WDR89: variants seen among roughly 807,000 people sequenced by gnomAD.
WDR89 encodes WD repeat domain 89.
Under a neutral mutation model 29.1 loss-of-function variants are expected in WDR89, and 17 were observed. The observed-to-expected ratio is 0.58, with a 90% CI of 0.40 to 0.88. The LOEUF (loss-of-function observed/expected upper bound fraction) is 0.88. WDR89 is among the 40% of genes least tolerant of loss of function. The pLI, the probability that WDR89 is intolerant of heterozygous loss-of-function variation, is 0.00. For synonymous variants in WDR89, 138 were observed against 157.8 expected, an observed-to-expected ratio of 0.87 and a Z score of 0.94; for missense variants, 396 against 456.3, an observed-to-expected ratio of 0.87 and a Z score of 1.20.
chr14:63,622,825 G>A (rs1882788436), intron 2 of WDR89, among the ~76,000 whole-genome samples: 1 of 152,060 alleles, frequency 6.6e-6, no homozygotes, highest in African/African-American at 2.4e-5. Context: ...ATGAGAGGAG[G>A]GAAGTGGAAG....
chr14:63,627,707 A>G (rs1335576490), intron 1 of WDR89, among the ~76,000 whole-genome samples: 1 of 152,118 alleles, frequency 6.6e-6, no homozygotes, highest in Non-Finnish European at 1.5e-5. Context: ...GAATAAACAC[A>G]TGGAGTTCCT....
chr14:63,627,515 C>T (rs1425555577), intron 1 of WDR89, among the ~76,000 whole-genome samples: 1 of 152,038 alleles, frequency 6.6e-6, no homozygotes. Context: ...TGTAATGAAT[C>T]CATCATTATA....
intron 1 of WDR89, among the ~76,000 whole-genome samples, chr14:63,636,369 C>T (rs1269168140): frequency 6.6e-6 from 1 of 152,012 alleles, no homozygotes; most frequent in African/African-American, 2.4e-5. Flanking sequence ...CAATGCAATC[C>T]CCATCAAAAT....
chr14:63,609,507 G>A (rs953300106), intron 2 of WDR89, among the ~76,000 whole-genome samples: 2 of 152,138 alleles, frequency 1.3e-5, no homozygotes, highest in African/African-American at 4.8e-5. Flanking sequence ...AAGAGCATAT[G>A]GCCGGGCGTG....
At chr14:63,619,900 GA>G (rs1258830351) in intron 2 of WDR89, among the ~76,000 whole-genome samples, 1 of 149,962 alleles carries the variant, frequency 6.7e-6, no homozygotes, top group Non-Finnish European at 1.5e-5. Flanking sequence ...AGCTACTCAG[GA>G]AGCTGAGGCA....
intron 2 of WDR89, among the ~76,000 whole-genome samples, chr14:63,612,206 C>T (rs557711832): frequency 6.6e-6 from 1 of 152,096 alleles, no homozygotes; most frequent in Non-Finnish European, 1.5e-5. Flanking sequence ...GCCCTAGTCA[C>T]GTCCCTAATC....
intron 2 of WDR89, among the ~76,000 whole-genome samples, chr14:63,607,990 G>A (rs555433102): frequency 5.5e-4 from 83 of 151,870 alleles, no homozygotes; most frequent in African/African-American, 1.9e-3. Context: ...GGCAGATCAC[G>A]AGGTCAGGAG....
At chr14:63,613,627 C>T (rs929423668) in intron 2 of WDR89, among the ~76,000 whole-genome samples, 3 of 151,414 alleles carry the variant, frequency 2.0e-5, no homozygotes, top group African/African-American at 4.9e-5. Flanking sequence ...CTCAGCCTCC[C>T]GAGTGGCTAG....
rs1895063796 is a variant in WDR89 at position 63,601,554 on chromosome 14, T to C, written c.-31-1581A>G. On this transcript the variant is annotated intron_variant, in intron 2 of 2. Transcript: ENST00000620954. ...GTTTCTTCCACTCTTTGACCGAGTA[T>C]TGGTTGAAAGGAGTGCTGTTGAAAC... 8.8e-6 allele frequency: 14 copies of C among 1,586,676 alleles called. No homozygotes were observed. The East Asian group carries it at 1.1e-4, about 13-fold the overall frequency.
Position 63,598,840 on chromosome 14 carries a change from G to A in WDR89, c.1103C>T (p.Ser368Phe), listed in dbSNP as rs769884640. Reference sequence around the variant, plus strand: ...ATGAACTCGTACTCGTTGGTGCACAGAGGATGCTATTTTCATACTCTCTTT... The same window carrying A: ...ATGAACTCGTACTCGTTGGTGCACAAAGGATGCTATTTTCATACTCTCTTT... The part of the protein sequence containing the change: ...TKKESMKIAS[S>F]VHQRVRVHSN... Residue 368 changes from serine (S) to phenylalanine (F), a missense_variant, in exon 3 of 3, where the codon TCT becomes TTT. Physicochemically the swap from Ser to Phe is radical, Grantham distance 155. Transcript: ENST00000620954. 1 of 1,613,862 alleles carries A rather than the reference G, an allele frequency of 6.2e-7. No homozygotes were observed. Among genetic ancestry groups the A allele is most frequent in the Non-Finnish European group, 8.5e-7 (1 of 1,179,912 alleles).
intron 1 of WDR89, among the ~76,000 whole-genome samples, chr14:63,635,048 C>A (rs949803161): frequency 6.6e-6 from 1 of 151,690 alleles, no homozygotes; most frequent in African/African-American, 2.4e-5. Context: ...CAGAATTCTA[C>A]CAGACATTCA....
intron 2 of WDR89, among the ~76,000 whole-genome samples, chr14:63,602,466 A>T (rs1477035154): frequency 7.3e-6 from 1 of 137,448 alleles, no homozygotes; most frequent in Non-Finnish European, 1.6e-5. Context: ...CCTACTCAAA[A>T]AAAAAAAAAA....
chr14:63,605,205 TAC>T (rs778938395), intron 2 of WDR89, among the ~76,000 whole-genome samples: 7 of 128,080 alleles, frequency 5.5e-5, no homozygotes, highest in Admixed American at 2.9e-4. Flanking sequence ...CATATATACA[TAC>T]ACATACACAC....
chr14:63,632,225 T>C (rs1028745285), intron 1 of WDR89, among the ~76,000 whole-genome samples: 6 of 152,042 alleles, frequency 3.9e-5, no homozygotes, highest in African/African-American at 1.4e-4. Flanking sequence ...CATATAAGCC[T>C]GAGGGACTTC....
chr14:63,601,464 A>T, intron 2 of WDR89: 3 of 1,123,094 alleles, frequency 2.7e-6, no homozygotes, highest in Non-Finnish European at 4.0e-6. Flanking sequence ...ACTATAATAA[A>T]TTCTTGACAC....
chr14:63,640,957 G>C (rs915682334), intron 1 of WDR89, among the ~76,000 whole-genome samples: 22 of 149,842 alleles, frequency 1.5e-4, no homozygotes, highest in African/African-American at 5.1e-4. Flanking sequence ...AATTAGCCGG[G>C]CGTGGTGCCA....
chr14:63,604,819 A>C (rs1895232075), intron 2 of WDR89, among the ~76,000 whole-genome samples: 2 of 152,168 alleles, frequency 1.3e-5, no homozygotes, highest in Non-Finnish European at 2.9e-5. Flanking sequence ...GCTGCGGTCA[A>C]TGACAGACCA....
At chr14:63,614,934 C>T (rs975828401) in intron 2 of WDR89, among the ~76,000 whole-genome samples, 2 of 152,134 alleles carry the variant, frequency 1.3e-5, no homozygotes, top group Non-Finnish European at 2.9e-5. Flanking sequence ...TTCACATAAA[C>T]GTCCAAGATA....
intron 1 of WDR89, among the ~76,000 whole-genome samples, chr14:63,625,622 C>A (rs1171336989): frequency 6.6e-6 from 1 of 152,136 alleles, no homozygotes; most frequent in African/African-American, 2.4e-5. Context: ...TGGGAAGGGG[C>A]ATCCAAGAGG....
Sources: allele counts gnomAD v4.1 joint callset (sites outside exome capture counted in the v4.1 genomes callset), GRCh38; gene constraint gnomAD v4.1.1; transcripts MANE v1.5; gene names NCBI Gene and HGNC (gene_info 2026-07-23, HGNC 2026-07-21).